CHRM3: variants seen among roughly 807,000 people sequenced by gnomAD.
The protein encoded by CHRM3 is cholinergic receptor muscarinic 3.
CHRM3 carries 11 observed loss-of-function variants against 41.8 expected under a neutral mutation model. The ratio of observed to expected loss-of-function variants is 0.26; its 90% CI spans 0.17 to 0.44. The LOEUF (loss-of-function observed/expected upper bound fraction) is 0.44. CHRM3 is among the 20% of genes least tolerant of loss of function. The probability of loss-of-function intolerance (pLI) is 1.00; values close to 1 mark genes in which losing one functional copy is unlikely to be tolerated. For missense variants in CHRM3, 571 were observed against 745.4 expected, an observed-to-expected ratio of 0.77 and a Z score of 2.72; for synonymous variants, 297 against 301.4, an observed-to-expected ratio of 0.99 and a Z score of 0.15.
rs1680518420 is a variant in CHRM3 at position 239,914,127 on chromosome 1, T to G, written c.*4903T>G. The stretch of plus-strand genomic sequence containing the variant: ...GCAACCCTAGCTTCAGCTAAAAAGA[T>G]TATCCCCAGAATCTAAAAGCTTACT... On this transcript the variant is annotated 3_prime_UTR_variant, in exon 7 of 7. Transcript: ENST00000676153. 6.0e-6 allele frequency: 1 copy of G among 167,070 alleles called. No homozygotes were observed. The highest frequency in any genetic ancestry group is 1.5e-5 in the Non-Finnish European group (1 of 68,116). The allele number at this position is 167,070 out of a possible 1,614,324, so 10.3% of individuals were successfully genotyped here. A position where few individuals can be genotyped will look rare whatever the true frequency, so the allele number is the denominator to read the frequency against.
intron 6 of CHRM3, among the ~76,000 whole-genome samples, chr1:239,901,191 C>A (rs2103013995): frequency 6.6e-6 from 1 of 152,296 alleles, no homozygotes; most frequent in Non-Finnish European, 1.5e-5. Context: ...GATGCGACCT[C>A]TTTTTCCTCC....
chr1:239,426,186 G>A (rs1397205060), intron 1 of CHRM3, among the ~76,000 whole-genome samples: 18 of 118,590 alleles, frequency 1.5e-4, no homozygotes, highest in African/African-American at 5.9e-4. Flanking sequence ...CGGTAAGTCA[G>A]GAAACAACAG....
chr1:239,662,414 A>G (rs1481111566), intron 4 of CHRM3, among the ~76,000 whole-genome samples: 1 of 152,164 alleles, frequency 6.6e-6, no homozygotes, highest in African/African-American at 2.4e-5. Flanking sequence ...AACGATGTGG[A>G]TGACAACATG....
intron 1 of CHRM3, among the ~76,000 whole-genome samples, chr1:239,486,745 C>G (rs1173416351): frequency 6.6e-6 from 1 of 152,118 alleles, no homozygotes; most frequent in African/African-American, 2.4e-5. Context: ...CCTCTGTGTT[C>G]CTGAACTTTC....
In CHRM3 at chr1:239,471,946, C is replaced by T. The variant is rs372158414; in HGVS notation, c.-520-20763C>T. 2.6e-5 allele frequency among the ~76,000 whole-genome samples: 4 copies of T among 152,090 alleles called. No homozygotes were observed. In the East Asian group the frequency reaches 5.8e-4, roughly 22 times the overall value. ...CAGGTTATTATCCACGTGCTGGACT[C>T]GCCAATTTTTTTTTTGTTGTTGTTA... On this transcript the variant is annotated intron_variant, in intron 1 of 6. Coordinates refer to ENST00000676153, the MANE Select transcript of CHRM3 (RefSeq NM_001375978.1).
intron 6 of CHRM3, among the ~76,000 whole-genome samples, chr1:239,891,081 T>C (rs1678515209): frequency 6.6e-6 from 1 of 152,160 alleles, no homozygotes; most frequent in Non-Finnish European, 1.5e-5. Flanking sequence ...TTCTAAATTG[T>C]CTACTTACTG....
At chr1:239,482,860 C>A (rs1666949569) in intron 1 of CHRM3, among the ~76,000 whole-genome samples, 1 of 152,096 alleles carries the variant, frequency 6.6e-6, no homozygotes, top group African/African-American at 2.4e-5. Flanking sequence ...TATGGTATTT[C>A]ATCTTTGTTT....
At chr1:239,495,482 C>T (rs1667821222) in intron 2 of CHRM3, among the ~76,000 whole-genome samples, 1 of 152,154 alleles carries the variant, frequency 6.6e-6, no homozygotes, top group African/African-American at 2.4e-5. Context: ...TCAGTTTAAG[C>T]CCTAAAATGC....
chr1:239,531,747 C>T (rs1358368468), intron 2 of CHRM3, among the ~76,000 whole-genome samples: 2 of 136,938 alleles, frequency 1.5e-5, no homozygotes, highest in Non-Finnish European at 3.1e-5. Context: ...GTAACCTCCA[C>T]CTGCTGGGTT....
At chr1:239,849,751 A>C (rs1489085851) in intron 6 of CHRM3, among the ~76,000 whole-genome samples, 7 of 152,136 alleles carry the variant, frequency 4.6e-5, no homozygotes, top group Non-Finnish European at 1.0e-4. Flanking sequence ...GGGCCTTTAA[A>C]ATGAGATAAT....
chr1:239,826,180 A>G (rs1035932545), intron 5 of CHRM3, among the ~76,000 whole-genome samples: 2 of 152,210 alleles, frequency 1.3e-5, no homozygotes, highest in Non-Finnish European at 2.9e-5. Flanking sequence ...AATGGTTAAC[A>G]TGGTAAATTT....
At chr1:239,485,424 A>T (rs1047577993) in intron 1 of CHRM3, among the ~76,000 whole-genome samples, 2 of 152,180 alleles carry the variant, frequency 1.3e-5, no homozygotes, top group African/African-American at 4.8e-5. Context: ...AGCTGGGGCT[A>T]CAGGCACATG....
intron 2 of CHRM3, among the ~76,000 whole-genome samples, chr1:239,529,939 C>G (rs1048522859): frequency 3.3e-5 from 5 of 151,980 alleles, no homozygotes; most frequent in African/African-American, 1.2e-4. Flanking sequence ...GCTCTGTCGC[C>G]CAGGCTGGAG....
At position 239,808,275 on chromosome 1, in the gene CHRM3, G is replaced by A. The variant is rs368371020; in HGVS notation, c.-146-18977G>A. On this transcript the variant is annotated intron_variant, in intron 5 of 6. Coordinates refer to ENST00000676153, the MANE Select transcript of CHRM3 (RefSeq NM_001375978.1). ...GCAATACTTTTTTTTGTTTATCCTCGTATGTGACCTTCAGGCAGAGTAAAT... is the reference window on the plus strand; with the variant it reads ...GCAATACTTTTTTTTGTTTATCCTCATATGTGACCTTCAGGCAGAGTAAAT... Among the ~76,000 whole-genome samples, 16 of 152,128 alleles carry A rather than the reference G, an allele frequency of 1.1e-4. No individual in the cohort carries two copies. In the East Asian group the frequency reaches 1.2e-3, roughly 11 times the overall value.
At chr1:239,771,351 G>A (rs1299016978) in intron 5 of CHRM3, among the ~76,000 whole-genome samples, 1 of 151,886 alleles carries the variant, frequency 6.6e-6, no homozygotes, top group Non-Finnish European at 1.5e-5. Flanking sequence ...CCTCCTAATT[G>A]ATCTCATTCC....
intron 6 of CHRM3, among the ~76,000 whole-genome samples, chr1:239,861,615 A>G (rs1032958917): frequency 6.6e-6 from 1 of 152,152 alleles, no homozygotes; most frequent in African/African-American, 2.4e-5. Context: ...AAGTTGGGCA[A>G]GGTTGGGGCA....
At chr1:239,602,984 T>C (rs748577420) in intron 3 of CHRM3, among the ~76,000 whole-genome samples, 10 of 152,176 alleles carry the variant, frequency 6.6e-5, no homozygotes, top group Middle Eastern at 3.2e-3. Flanking sequence ...GCAAAACTGG[T>C]ACTCTGTACC....
At position 239,913,053 on chromosome 1, in the gene CHRM3, A is replaced by T. The variant is rs1419253640; in HGVS notation, c.*3829A>T. ...CTGAGGTCAGCAGCTACCATGACGA[A>T]AGTAAAATGGTATATTGGGTGAATG... On this transcript the variant is annotated 3_prime_UTR_variant, in exon 7 of 7. Transcript: ENST00000676153. 1 of 167,098 alleles carries T rather than the reference A, an allele frequency of 6.0e-6. No individual in the cohort carries two copies. Among genetic ancestry groups the T allele is most frequent in the Non-Finnish European group, 1.5e-5 (1 of 68,122 alleles). The allele number at this position is 167,098 out of a possible 1,614,324, so 10.4% of individuals were successfully genotyped here. A position where few individuals can be genotyped will look rare whatever the true frequency, so the allele number is the denominator to read the frequency against.
intron 2 of CHRM3, among the ~76,000 whole-genome samples, chr1:239,543,799 C>T (rs1373471132): frequency 5.9e-5 from 9 of 152,090 alleles, no homozygotes; most frequent in East Asian, 1.9e-4. Flanking sequence ...CGAGCCACCG[C>T]GCCCTGCCCA....
Sources: allele counts gnomAD v4.1 joint callset (sites outside exome capture counted in the v4.1 genomes callset), GRCh38; gene constraint gnomAD v4.1.1; transcripts MANE v1.5; gene names NCBI Gene and HGNC (gene_info 2026-07-23, HGNC 2026-07-21).